The following USH2A variants were observed in gnomAD, a reference collection of about 807,000 sequenced individuals.
The protein encoded by USH2A is usherin, also known as Usher syndrome 2A (autosomal recessive, mild).
A neutral mutation model predicts 538.9 loss-of-function variants in USH2A; 443 were observed. That is an observed-to-expected ratio of 0.82 (90% CI 0.76 to 0.89). The LOEUF (loss-of-function observed/expected upper bound fraction) is 0.89, where lower values mean the gene tolerates loss of function less well. USH2A is among the 40% of genes least tolerant of loss of function. The pLI, the probability that USH2A is intolerant of heterozygous loss-of-function variation, is 0.00. For synonymous variants in USH2A, 2,413 were observed against 2,273.5 expected, an observed-to-expected ratio of 1.06 and a Z score of -1.75; for missense variants, 6,633 against 6,324.8, an observed-to-expected ratio of 1.05 and a Z score of -1.65.
At chr1:216,075,400 G>A (rs1174996405) in intron 27 of USH2A, among the ~76,000 whole-genome samples, 1 of 152,148 alleles carries the variant, frequency 6.6e-6, no homozygotes, top group Non-Finnish European at 1.5e-5. Context: ...GAAAGGGGAT[G>A]TTTGCGAGAG....
intron 4 of USH2A, among the ~76,000 whole-genome samples, chr1:216,358,351 G>A (rs1335232204): frequency 6.6e-6 from 1 of 152,132 alleles, no homozygotes; most frequent in East Asian, 1.9e-4. Context: ...AGCAGAGACA[G>A]CCGGCCTGGC....
chr1:216,120,520 C>T (rs1424861479), intron 21 of USH2A, among the ~76,000 whole-genome samples: 3 of 151,530 alleles, frequency 2.0e-5, no homozygotes, highest in African/African-American at 7.3e-5. Flanking sequence ...GCTGGGACTA[C>T]AGGCTCCCGC....
chr1:216,194,177 T>C (rs1300641831), intron 19 of USH2A: 1 of 152,146 alleles, frequency 6.6e-6, no homozygotes, highest in East Asian at 1.9e-4. Context: ...AATGATATTT[T>C]GGAGCTCCAT....
intron 30 of USH2A, among the ~76,000 whole-genome samples, chr1:216,059,130 G>T (rs7545159): frequency 0.63 from 96,347 of 151,954 alleles, 31,188 homozygotes; most frequent in African/African-American, 0.75. Context: ...TACATATATA[G>T]AGAGAGAGCA....
chr1:216,171,997 A>C (rs796938427), intron 21 of USH2A, among the ~76,000 whole-genome samples: 14 of 152,094 alleles, frequency 9.2e-5, no homozygotes, highest in South Asian at 6.2e-4. Flanking sequence ...AATAGGTCCC[A>C]AAATAGCTTT....
chr1:216,396,174 T>C (rs1432201604), intron 3 of USH2A, among the ~76,000 whole-genome samples: 1 of 152,074 alleles, frequency 6.6e-6, no homozygotes, highest in Admixed American at 6.5e-5. Context: ...TATACAAAAA[T>C]GAGTCTGAGT....
chr1:216,063,344 A>G (rs1320258044), intron 30 of USH2A, among the ~76,000 whole-genome samples: 1 of 152,166 alleles, frequency 6.6e-6, no homozygotes, highest in Non-Finnish European at 1.5e-5. Context: ...TGACTTTGAT[A>G]ATTATCCAAG....
chr1:215,960,871 C>G (rs1667180337), intron 37 of USH2A, among the ~76,000 whole-genome samples: 1 of 152,048 alleles, frequency 6.6e-6, no homozygotes, highest in Admixed American at 6.6e-5. Context: ...TATTTCTGTT[C>G]CACTTGTCAC....
At chr1:216,394,063 T>A (rs1558068904) in intron 3 of USH2A, among the ~76,000 whole-genome samples, 1 of 152,284 alleles carries the variant, frequency 6.6e-6, no homozygotes, top group East Asian at 1.9e-4. Flanking sequence ...TCAATCATCA[T>A]CAGTCACCGG....
chr1:215,865,385 GT>G (rs1477920584), intron 44 of USH2A, among the ~76,000 whole-genome samples: 1 of 152,106 alleles, frequency 6.6e-6, no homozygotes, highest in Non-Finnish European at 1.5e-5. Context: ...GATCTATTAG[GT>G]TTGTCAGTTT....
intron 61 of USH2A, among the ~76,000 whole-genome samples, chr1:215,690,531 G>C (rs1658568733): frequency 6.6e-6 from 1 of 152,100 alleles, no homozygotes. Context: ...AGTGTAGCCT[G>C]GGCAACATAA....
intron 32 of USH2A, among the ~76,000 whole-genome samples, chr1:216,033,699 A>G (rs887494028): frequency 6.6e-6 from 1 of 152,090 alleles, no homozygotes; most frequent in Non-Finnish European, 1.5e-5. Flanking sequence ...AAAATTAGCC[A>G]GGTGTAGTGG....
intron 3 of USH2A, among the ~76,000 whole-genome samples, chr1:216,379,197 C>A (rs2038888898): frequency 6.6e-6 from 1 of 152,192 alleles, no homozygotes; most frequent in South Asian, 2.1e-4. Flanking sequence ...GTCACACCCA[C>A]ATGTCCCCTG....
intron 16 of USH2A, among the ~76,000 whole-genome samples, chr1:216,206,431 G>A (rs1205841963): frequency 2.0e-5 from 3 of 151,992 alleles, no homozygotes; most frequent in Admixed American, 6.6e-5. Flanking sequence ...CATAAGGAGC[G>A]TGCAACCTAG....
chr1:216,300,741 G>GT (rs531354825), intron 9 of USH2A, among the ~76,000 whole-genome samples: 6,306 of 116,450 alleles, frequency 0.054, 421 homozygotes, highest in African/African-American at 0.15. Flanking sequence ...TAGACTCAAT[G>GT]TTTTTTTTTT....
intron 9 of USH2A, among the ~76,000 whole-genome samples, chr1:216,301,555 T>G (rs1417393207): frequency 6.6e-6 from 1 of 152,174 alleles, no homozygotes; most frequent in Non-Finnish European, 1.5e-5. Flanking sequence ...GCTCAGTCCA[T>G]CTTTACTTTC....
intron 9 of USH2A, among the ~76,000 whole-genome samples, chr1:216,321,627 AAAAC>A (rs1241717479): frequency 1.3e-5 from 2 of 152,200 alleles, no homozygotes; most frequent in Non-Finnish European, 2.9e-5. Context: ...CAAAGAAAGA[AAAAC>A]AAAAGAGAAA....
In USH2A at chr1:216,147,983, T is replaced by TGACC. The variant is rs1169271758; in HGVS notation, c.4627+27268_4627+27269insGGTC. Among the ~76,000 whole-genome samples the TGACC allele has an allele frequency of 1.2e-4, 14 of 119,108 alleles. 1 individual carries two copies. Among genetic ancestry groups the TGACC allele is most frequent in the Non-Finnish European group, 2.3e-4 (13 of 55,996 alleles). The allele number at this position is 119,108 out of a possible 152,430, so 78.1% of individuals were successfully genotyped here. A position where few individuals can be genotyped will look rare whatever the true frequency, so the allele number is the denominator to read the frequency against. The stretch of plus-strand genomic sequence containing the variant: ...GAACTCTGGCCCAAGGCTCTCTGAC[T>TGACC]CCTTCCCAGATCTTCTCGGCTTAGG... On this transcript the variant is annotated intron_variant, in intron 21 of 71. Transcript: ENST00000307340.
chr1:216,112,733 G>A (rs2032905444), intron 21 of USH2A, among the ~76,000 whole-genome samples: 1 of 151,990 alleles, frequency 6.6e-6, no homozygotes, highest in Non-Finnish European at 1.5e-5. Context: ...TCCTGCATTA[G>A]TTTGCTAACG....
Sources: allele counts gnomAD v4.1 joint callset (sites outside exome capture counted in the v4.1 genomes callset), GRCh38; gene constraint gnomAD v4.1.1; transcripts MANE v1.5; gene names NCBI Gene and HGNC (gene_info 2026-07-23, HGNC 2026-07-21).